CNTN4: variants seen among roughly 807,000 people sequenced by gnomAD.
CNTN4 encodes contactin 4.
A neutral mutation model predicts 122.5 loss-of-function variants in CNTN4; 77 were observed. That is an observed-to-expected ratio of 0.63 (90% CI 0.52 to 0.76). CNTN4 has a LOEUF of 0.76. Among genes scored for constraint, CNTN4 ranks in the 30% least tolerant of loss-of-function variants. The probability of loss-of-function intolerance (pLI) is 0.00; values close to 1 mark genes in which losing one functional copy is unlikely to be tolerated. For missense variants in CNTN4, 1,256 were observed against 1,259.1 expected (o/e 1.00, Z 0.04); for synonymous variants, 512 against 447.0 (o/e 1.15, Z -1.83).
chr3:2,328,176 C>T (rs192198464), intron 2 of CNTN4, among the ~76,000 whole-genome samples: 18 of 152,098 alleles, frequency 1.2e-4, no homozygotes, highest in Admixed American at 1.0e-3. Flanking sequence ...GAGGCCGAGG[C>T]GGGCGGATCA....
At position 2,385,928 on chromosome 3, in the gene CNTN4, G is replaced by A. The variant is rs760443196; in HGVS notation, c.-89+46695G>A. Among the ~76,000 whole-genome samples, 9 of 151,958 alleles carry A rather than the reference G, an allele frequency of 5.9e-5. No homozygotes were observed. The highest frequency in any genetic ancestry group is 1.3e-4 in the Admixed American group (2 of 15,232). ...ATATTTGATAAATGAATGAATACAT[G>A]CATTCTCACTCAGCAGTCGCTCCCG... On this transcript the variant is annotated intron_variant, in intron 3 of 24. Transcript: ENST00000418658. The surrounding 1 kb of genome is among the most constrained non-coding windows in gnomAD (Gnocchi z 4.0).
chr3:2,409,025 C>T (rs2047133817), intron 3 of CNTN4, among the ~76,000 whole-genome samples: 1 of 152,018 alleles, frequency 6.6e-6, no homozygotes, highest in African/African-American at 2.4e-5. Flanking sequence ...AGGATTGTGT[C>T]TTATGAGAAT....
intron 2 of CNTN4, among the ~76,000 whole-genome samples, chr3:2,280,628 C>T (rs1003492680): frequency 9.9e-5 from 15 of 152,050 alleles, no homozygotes; most frequent in Admixed American, 4.6e-4. Context: ...TGGTCATAAC[C>T]GTAGAGAACA....
At chr3:2,492,916 G>A (rs2076356690) in intron 3 of CNTN4, among the ~76,000 whole-genome samples, 1 of 152,088 alleles carries the variant, frequency 6.6e-6, no homozygotes. Flanking sequence ...ATACCACAAA[G>A]ACTTGATGGT....
At chr3:2,199,909 G>A (rs2038018413) in intron 2 of CNTN4, among the ~76,000 whole-genome samples, 1 of 152,058 alleles carries the variant, frequency 6.6e-6, no homozygotes, top group Non-Finnish European at 1.5e-5. Flanking sequence ...AAGTGGCAAT[G>A]AACTTGTCAT....
At chr3:2,285,368 G>A (rs2041865611) in intron 2 of CNTN4, among the ~76,000 whole-genome samples, 1 of 152,036 alleles carries the variant, frequency 6.6e-6, no homozygotes, top group Non-Finnish European at 1.5e-5. Context: ...CATTGCAATT[G>A]CATATTATTC....
intron 6 of CNTN4, among the ~76,000 whole-genome samples, chr3:2,816,475 A>G (rs2092733487): frequency 6.6e-6 from 1 of 152,098 alleles, no homozygotes; most frequent in Non-Finnish European, 1.5e-5. Flanking sequence ...AATATAGTGC[A>G]GTGTATACTG....
At chr3:3,045,977 G>C (rs191695765) in intron 23 of CNTN4, among the ~76,000 whole-genome samples, 3 of 152,196 alleles carry the variant, frequency 2.0e-5, no homozygotes, top group Non-Finnish European at 2.9e-5. Context: ...ACTACATGAC[G>C]AAGGCACAAG....
At position 2,841,477 on chromosome 3, in the gene CNTN4, A is replaced by G. The variant is rs1400209; in HGVS notation, c.454+21896A>G. ...TTTAATATTCCCACTATAATTATCT[A>G]CAGATTTATGAAGACCGAGTCAAGG... is the stretch of plus-strand genomic sequence containing the variant. On this transcript the variant is annotated intron_variant, in intron 7 of 24. Transcript: ENST00000418658. This position sits in a 1 kb window ranked among gnomAD's most constrained non-coding sequence, Gnocchi z 4.8. Among the ~76,000 whole-genome samples the G allele has an allele frequency of 0.67, 101,748 of 152,096 alleles. 35,713 individuals are homozygous for G. Among genetic ancestry groups the G allele is most frequent in the East Asian group, 0.83 (4,297 of 5,178 alleles).
rs112920791 is a variant in CNTN4, at chr3:2,670,927, C to G, written c.56-65288C>G. Among the ~76,000 whole-genome samples, 1,425 of 152,324 alleles carry G rather than the reference C, an allele frequency of 9.4e-3. 24 individuals carry two copies. Among genetic ancestry groups the G allele is most frequent in the African/African-American group, 0.032 (1,349 of 41,572 alleles). ...AAGAATGTTGAATATTGGCCCCCCA[C>G]TCTCTTCTGGCTTGTAGTTTCTGCG... On this transcript the variant is annotated intron_variant, in intron 4 of 24. Transcript: ENST00000418658.
rs150629057 is a variant in CNTN4, at chr3:2,907,498, G to A, written c.1207+4493G>A. Among the ~76,000 whole-genome samples the A allele has an allele frequency of 7.0e-3, 1,058 of 151,872 alleles. 5 individuals are homozygous for A. Among genetic ancestry groups the A allele is most frequent in the Non-Finnish European group, 0.012 (837 of 67,954 alleles). ...TGAGGCAGGAGAATCACTTGAACCC[G>A]GGAGGCAAAGGTTGCAGTCAGCTAA... On this transcript the variant is annotated intron_variant, in intron 12 of 24. Coordinates refer to ENST00000418658, the MANE Select transcript of CNTN4 (RefSeq NM_175607.3).
At chr3:2,835,954 C>CT (rs1237237882) in intron 7 of CNTN4, among the ~76,000 whole-genome samples, 1 of 151,990 alleles carries the variant, frequency 6.6e-6, no homozygotes, top group Non-Finnish European at 1.5e-5. Flanking sequence ...CCAAGAGGAG[C>CT]TTTGAGATAT....
At chr3:2,695,216 A>G (rs900058168) in intron 4 of CNTN4, among the ~76,000 whole-genome samples, 1 of 152,132 alleles carries the variant, frequency 6.6e-6, no homozygotes, top group Non-Finnish European at 1.5e-5. Context: ...TGAGAAACGT[A>G]TTACTGAGTG....
At chr3:2,392,958 T>A (rs2046495472) in intron 3 of CNTN4, among the ~76,000 whole-genome samples, 1 of 152,180 alleles carries the variant, frequency 6.6e-6, no homozygotes, top group South Asian at 2.1e-4. Context: ...TTCTTAGGGC[T>A]CTTGTAACAA....
intron 3 of CNTN4, among the ~76,000 whole-genome samples, chr3:2,486,337 A>C (rs1235274498): frequency 6.6e-6 from 1 of 152,216 alleles, no homozygotes; most frequent in Non-Finnish European, 1.5e-5. Context: ...AGTGAGACCA[A>C]GAACCCACCA....
chr3:2,691,938 G>T (rs2085761372), intron 4 of CNTN4, among the ~76,000 whole-genome samples: 1 of 152,146 alleles, frequency 6.6e-6, no homozygotes. Context: ...GAGACAACTG[G>T]ATACCTACCT....
chr3:2,196,121 A>G (rs2037821178), intron 2 of CNTN4, among the ~76,000 whole-genome samples: 1 of 152,202 alleles, frequency 6.6e-6, no homozygotes, highest in Non-Finnish European at 1.5e-5. Context: ...CAAAGCTGTT[A>G]TGTCATCTCC....
chr3:2,170,235 G>A (rs1431672881), intron 2 of CNTN4, among the ~76,000 whole-genome samples: 27 of 152,020 alleles, frequency 1.8e-4, no homozygotes, highest in Non-Finnish European at 3.2e-4. Flanking sequence ...CGGGAGAATG[G>A]CGGGAACCCG....
intron 4 of CNTN4, among the ~76,000 whole-genome samples, chr3:2,704,830 G>A (rs1461637946): frequency 6.6e-6 from 1 of 152,118 alleles, no homozygotes; most frequent in Non-Finnish European, 1.5e-5. Context: ...ATAGATGACA[G>A]TTGAAGTTTA....
Sources: gnomAD v4.1 joint callset for allele counts (sites outside exome capture counted in the v4.1 genomes callset) on GRCh38, gnomAD v4.1.1 for gene constraint, Gnocchi (gnomAD v3.1) non-coding constraint, MANE v1.5 for transcripts, NCBI Gene and HGNC (gene_info 2026-07-23, HGNC 2026-07-21) for gene names.